UNC93A: variants seen among roughly 807,000 people sequenced by gnomAD.
UNC93A encodes unc-93 homolog A.
Under a neutral mutation model 47.5 loss-of-function variants are expected in UNC93A, and 43 were observed. The ratio of observed to expected loss-of-function variants is 0.91; its 90% CI spans 0.71 to 1.17. UNC93A has a LOEUF of 1.17. UNC93A is among the 50% of genes most tolerant of loss of function. UNC93A has a pLI of 0.00. For missense variants in UNC93A, 605 were observed against 577.6 expected (o/e 1.05, Z -0.49); for synonymous variants, 280 against 258.0 (o/e 1.09, Z -0.82).
intron 1 of UNC93A, among the ~76,000 whole-genome samples, chr6:167,285,446 G>A (rs1783710135): frequency 1.3e-5 from 2 of 151,818 alleles, no homozygotes; most frequent in African/African-American, 4.8e-5. Flanking sequence ...GGGGAAGTGA[G>A]CTGGGGCCTA....
Position 167,315,579 on chromosome 6 carries a change from C to T in UNC93A, c.*127C>T. 3 of 1,279,562 alleles carry T rather than the reference C, an allele frequency of 2.3e-6. No homozygotes were observed. The highest frequency in any genetic ancestry group is 3.0e-5 in the South Asian group (2 of 67,786). The allele number at this position is 1,279,562 out of a possible 1,614,324, so 79.3% of individuals were successfully genotyped here. A position where few individuals can be genotyped will look rare whatever the true frequency, so the allele number is the denominator to read the frequency against. On this transcript the variant is annotated 3_prime_UTR_variant, in exon 8 of 8. Coordinates refer to ENST00000230256, the MANE Select transcript of UNC93A (RefSeq NM_018974.4). ...CACAATTTGGCCATTCTGAAGAGAT[C>T]ATGTTATTTCACTCTTCATGTATTT... is the stretch of plus-strand genomic sequence containing the variant.
intron 4 of UNC93A, among the ~76,000 whole-genome samples, chr6:167,301,206 G>T (rs1194788510): frequency 6.6e-6 from 1 of 152,212 alleles, no homozygotes; most frequent in Non-Finnish European, 1.5e-5. Context: ...TGTTGTCTGT[G>T]GAACCTCCCC....
intron 4 of UNC93A, 51 bp from the exon 5 acceptor site, chr6:167,303,868 C>A (rs775056459): frequency 1.3e-6 from 2 of 1,591,968 alleles, no homozygotes; most frequent in Admixed American, 3.3e-5. Flanking sequence ...TTGCCAGGCA[C>A]CCTGCCTCTG....
chr6:167,307,803 T>G lies in UNC93A; in HGVS notation c.1001T>G (p.Met334Arg). ...VLGAVTHVSC[M>R]IALLLWRPRA... is the part of the protein sequence containing the mutation. ...GGCGCGGTGACCCACGTGTCCTGCA[T>G]GATTGCCCTACTGCTGTGGAGACCT... Residue 334 changes from methionine (M) to arginine (R), a missense_variant, in exon 7 of 8, where the codon ATG becomes AGG. Met to Arg is a moderately conservative substitution (Grantham distance 91). Transcript: ENST00000230256. The G allele has an allele frequency of 1.2e-6, 2 of 1,611,102 alleles. No individual in the cohort carries two copies. The highest frequency in any genetic ancestry group is 2.2e-5 in the South Asian group (2 of 90,980).
intron 7 of UNC93A, among the ~76,000 whole-genome samples, chr6:167,309,923 C>T (rs956980833): frequency 6.6e-6 from 1 of 152,158 alleles, no homozygotes; most frequent in African/African-American, 2.4e-5. Context: ...GGGATCAAGG[C>T]CTGGAGGCTG....
upstream of UNC93A, among the ~76,000 whole-genome samples, chr6:167,287,534 G>A (rs575403138): frequency 1.9e-4 from 29 of 152,188 alleles, no homozygotes; most frequent in Non-Finnish European, 5.9e-5. Flanking sequence ...CCTTTTATCA[G>A]TGTGGTACCC....
chr6:167,278,392 T>C (rs541115576), intron 1 of UNC93A, among the ~76,000 whole-genome samples: 45 of 152,240 alleles, frequency 3.0e-4, no homozygotes, highest in African/African-American at 1.0e-3. Context: ...GTTCATCAGT[T>C]ACCATCAAAG....
intron 7 of UNC93A, 58 bp downstream of exon 7, chr6:167,307,968 G>A: frequency 6.3e-7 from 1 of 1,597,596 alleles, no homozygotes; most frequent in Non-Finnish European, 8.5e-7. Context: ...CCCTGGCCAA[G>A]GCAACTGTGG....
At chr6:167,286,633 T>C (rs1393743636), upstream of UNC93A, among the ~76,000 whole-genome samples, 1 of 152,180 alleles carries the variant, frequency 6.6e-6, no homozygotes, top group Non-Finnish European at 1.5e-5. Context: ...TTCCCATCAC[T>C]GTATCTTTGT....
chr6:167,291,789 C>T (rs111399755), intron 1 of UNC93A, among the ~76,000 whole-genome samples: 69 of 152,176 alleles, frequency 4.5e-4, no homozygotes, highest in South Asian at 8.3e-4. Context: ...TGCACAACAG[C>T]GAGGTGCACG....
chr6:167,310,805 T>C (rs947405839), intron 7 of UNC93A, among the ~76,000 whole-genome samples: 4 of 152,168 alleles, frequency 2.6e-5, no homozygotes, highest in African/African-American at 7.2e-5. Flanking sequence ...CACATGAACC[T>C]GGGAGGCAGA....
In UNC93A at chr6:167,296,053, C is replaced by T. The variant is rs770757769; in HGVS notation, c.291C>T (p.Ser97=). The T allele has an allele frequency of 5.0e-6, 8 of 1,614,200 alleles. No individual in the cohort carries two copies. The South Asian group carries it at 5.5e-5, about 11-fold the overall frequency. ...FASWYTLIPT[S]ILLGLGAAPL... ...ACAGGTACACTTTGATCCCCACCTC[C>T]ATACTGCTGGGACTCGGGGCCGCCC... Residue 97 remains serine (S), a synonymous_variant, in exon 3 of 8, where the codon TCC becomes TCT. Transcript: ENST00000230256.
At chr6:167,296,404 A>C in intron 3 of UNC93A, 143 bp downstream of exon 3, 4 of 856,316 alleles carry the variant, frequency 4.7e-6, no homozygotes, top group South Asian at 1.6e-5. Context: ...TGAGATTCTC[A>C]ACCTGCCTGT....
upstream of UNC93A, among the ~76,000 whole-genome samples, chr6:167,290,167 G>T (rs1160920665): frequency 2.0e-5 from 3 of 152,194 alleles, no homozygotes; most frequent in Admixed American, 1.3e-4. Context: ...GTGTGAACCC[G>T]TGGAGCTCAT....
At chr6:167,298,296 A>C in intron 4 of UNC93A, 1 of 525,096 alleles carries the variant, frequency 1.9e-6, no homozygotes. Context: ...AGATTGTTAT[A>C]CATCTCCAGA....
chr6:167,298,289 T>C, intron 4 of UNC93A: 2 of 562,694 alleles, frequency 3.6e-6, no homozygotes, highest in Non-Finnish European at 5.7e-6. Context: ...GGTGATGAGA[T>C]TGTTATACAT....
chr6:167,279,445 T>C (rs966318741), intron 1 of UNC93A, among the ~76,000 whole-genome samples: 1 of 152,242 alleles, frequency 6.6e-6, no homozygotes, highest in South Asian at 2.1e-4. Flanking sequence ...TCCTATCGTA[T>C]GTGTAAAATA....
chr6:167,287,729 G>T (rs928394970), upstream of UNC93A, among the ~76,000 whole-genome samples: 32 of 150,794 alleles, frequency 2.1e-4, no homozygotes, highest in African/African-American at 7.9e-4. Flanking sequence ...GTGTGTGCAT[G>T]CGTGTGTGCA....
At chr6:167,285,999 G>A (rs1055359088) in intron 1 of UNC93A, among the ~76,000 whole-genome samples, 4 of 144,164 alleles carry the variant, frequency 2.8e-5, no homozygotes, top group African/African-American at 1.1e-4. Context: ...CACACAATGA[G>A]CCTATAATAC....
Sources: gnomAD v4.1 joint callset for allele counts (sites outside exome capture counted in the v4.1 genomes callset) on GRCh38, gnomAD v4.1.1 for gene constraint, MANE v1.5 for transcripts, NCBI Gene and HGNC (gene_info 2026-07-23, HGNC 2026-07-21) for gene names.